Variants in EPB41L4B observed in about 807,000 individuals in gnomAD.
EPB41L4B encodes erythrocyte membrane protein band 4.1 like 4B.
In EPB41L4B, 30 loss-of-function variants were observed where a neutral mutation model predicts 112.5. That is an observed-to-expected ratio of 0.27 (90% CI 0.20 to 0.36). EPB41L4B has a LOEUF of 0.36. Among genes scored for constraint, EPB41L4B ranks in the 10% least tolerant of loss-of-function variants. The probability of loss-of-function intolerance (pLI) is 1.00; values close to 1 mark genes in which losing one functional copy is unlikely to be tolerated. For missense variants in EPB41L4B, 1,024 were observed against 1,133.3 expected, an observed-to-expected ratio of 0.90 and a Z score of 1.38; for synonymous variants, 408 against 439.7, an observed-to-expected ratio of 0.93 and a Z score of 0.90.
intron 1 of EPB41L4B, among the ~76,000 whole-genome samples, chr9:109,310,236 T>G (rs77824226): frequency 0.011 from 1,615 of 152,252 alleles, 29 homozygotes; most frequent in African/African-American, 0.038. Context: ...GAAAAATTCA[T>G]GTATATACAG....
chr9:109,193,254 G>A (rs893582134), intron 21 of EPB41L4B, among the ~76,000 whole-genome samples: 2 of 152,200 alleles, frequency 1.3e-5, no homozygotes, highest in African/African-American at 4.8e-5. Flanking sequence ...CCCAGGGAAG[G>A]CACCAGGTGA....
Position 109,213,824 on chromosome 9 carries a change from A to G in EPB41L4B, c.1634-6T>C. 1 of 1,612,350 alleles carries G rather than the reference A, an allele frequency of 6.2e-7. No homozygotes were observed. Among genetic ancestry groups the G allele is most frequent in the Non-Finnish European group, 8.5e-7 (1 of 1,178,338 alleles). ...AGGTGTTCCTGGACTCAGTTCTACA[A>G]AGCAGCCAGGAGAAATAAATAAGGA... On this transcript the variant is annotated splice_polypyrimidine_tract_variant and splice_region_variant and intron_variant, in intron 16 of 25. Coordinates refer to ENST00000374566, the MANE Select transcript of EPB41L4B (RefSeq NM_019114.5).
At chr9:109,295,567 A>G (rs1372663641) in intron 1 of EPB41L4B, among the ~76,000 whole-genome samples, 1 of 152,196 alleles carries the variant, frequency 6.6e-6, no homozygotes, top group African/African-American at 2.4e-5. Flanking sequence ...GTGAGGCAAG[A>G]GGCAGGTCAC....
At chr9:109,234,359 T>C (rs1834063973) in intron 15 of EPB41L4B, among the ~76,000 whole-genome samples, 1 of 152,222 alleles carries the variant, frequency 6.6e-6, no homozygotes, top group Non-Finnish European at 1.5e-5. Flanking sequence ...AGCACCACTG[T>C]AACTTGAGGG....
chr9:109,296,145 G>A (rs990640614), intron 1 of EPB41L4B, among the ~76,000 whole-genome samples: 3 of 152,160 alleles, frequency 2.0e-5, no homozygotes, highest in Non-Finnish European at 2.9e-5. Context: ...GCCAAGAAAC[G>A]TGAACAGAAA....
At chr9:109,278,669 TC>T (rs1564314924) in intron 2 of EPB41L4B, among the ~76,000 whole-genome samples, 1 of 151,894 alleles carries the variant, frequency 6.6e-6, no homozygotes, top group Admixed American at 6.6e-5. Context: ...GTGCTTCCCC[TC>T]CCCCCAGTCC....
intron 1 of EPB41L4B, among the ~76,000 whole-genome samples, chr9:109,313,748 TAG>T (rs1353309966): frequency 6.6e-6 from 1 of 152,122 alleles, no homozygotes. Context: ...CCAGGAAATG[TAG>T]AGAGGAGAGC....
intron 15 of EPB41L4B, among the ~76,000 whole-genome samples, chr9:109,239,088 G>T (rs1564286718): frequency 6.6e-6 from 1 of 152,194 alleles, no homozygotes. Context: ...GCATGAGCTT[G>T]TCAGGAGCAA....
At chr9:109,251,625 C>T (rs994836949) in intron 12 of EPB41L4B, 114 bp from the exon 13 acceptor site, 151 of 941,840 alleles carry the variant, frequency 1.6e-4, no homozygotes, top group Non-Finnish European at 2.4e-4. Context: ...TTTCCAACTC[C>T]AACCCAGGCA....
At chr9:109,287,507 T>A (rs1260400899) in intron 1 of EPB41L4B, among the ~76,000 whole-genome samples, 2 of 152,238 alleles carry the variant, frequency 1.3e-5, no homozygotes, top group Non-Finnish European at 2.9e-5. Flanking sequence ...GCCAGTCAGA[T>A]GTATACATCC....
intron 1 of EPB41L4B, among the ~76,000 whole-genome samples, chr9:109,317,688 T>A (rs575799356): frequency 6.6e-6 from 1 of 152,320 alleles, no homozygotes. Flanking sequence ...AAAGGAGACA[T>A]TTAGCCTGGC....
chr9:109,175,363 T>C (rs1395661377), intron 25 of EPB41L4B, among the ~76,000 whole-genome samples: 2 of 152,122 alleles, frequency 1.3e-5, no homozygotes, highest in Non-Finnish European at 2.9e-5. Flanking sequence ...TATATTTTAA[T>C]GAATCAAATT....
chr9:109,256,248 C>T (rs892689661), intron 8 of EPB41L4B, 24 bp from the exon 9 acceptor site: 90 of 1,608,890 alleles, frequency 5.6e-5, no homozygotes, highest in South Asian at 1.1e-4. Flanking sequence ...AAGTGACAAT[C>T]GGTAGAGGGT....
intron 17 of EPB41L4B, among the ~76,000 whole-genome samples, chr9:109,213,061 C>T (rs1833239864): frequency 1.3e-5 from 2 of 152,214 alleles, no homozygotes; most frequent in Admixed American, 1.3e-4. Context: ...AAAGTCATTT[C>T]TCTTCTTCTG....
At position 109,242,483 on chromosome 9, in the gene EPB41L4B, T is replaced by C. The variant is rs117993199; in HGVS notation, c.1409+1135A>G. Among the ~76,000 whole-genome samples, 211 of 152,390 alleles carry C rather than the reference T, an allele frequency of 1.4e-3. 2 individuals are homozygous for C. The East Asian group carries it at 0.018, about 13-fold the overall frequency. ...ACAATGTTAATTAAAATAGCGTTTCTAGAAATCTCTTCTGTTTCTTACGTC... is the reference window on the plus strand; with the variant it reads ...ACAATGTTAATTAAAATAGCGTTTCCAGAAATCTCTTCTGTTTCTTACGTC... On this transcript the variant is annotated intron_variant, in intron 15 of 25. Coordinates refer to ENST00000374566, the MANE Select transcript of EPB41L4B (RefSeq NM_019114.5).
chr9:109,253,409 A>G (rs1294956529), intron 12 of EPB41L4B, 32 bp downstream of exon 12: 1 of 1,509,306 alleles, frequency 6.6e-7, no homozygotes, highest in Admixed American at 1.7e-5. Flanking sequence ...AGCATAATGT[A>G]AAATTCCAAG....
chr9:109,176,091 C>T (rs115941997), intron 25 of EPB41L4B, among the ~76,000 whole-genome samples: 3,225 of 147,992 alleles, frequency 0.022, 116 homozygotes, highest in African/African-American at 0.074. Context: ...CACACACACT[C>T]ATTTGTTGTC....
intron 1 of EPB41L4B, among the ~76,000 whole-genome samples, chr9:109,282,998 T>C (rs1836129023): frequency 6.6e-6 from 1 of 152,058 alleles, no homozygotes; most frequent in African/African-American, 2.4e-5. Flanking sequence ...TTCCATTTCT[T>C]TCTTCAACAA....
intron 23 of EPB41L4B, among the ~76,000 whole-genome samples, chr9:109,184,276 G>C (rs2118631071): frequency 6.6e-6 from 1 of 152,348 alleles, no homozygotes; most frequent in East Asian, 1.9e-4. Context: ...CTGGAGTGCA[G>C]TGGCGCAATC....
Sources: allele counts gnomAD v4.1 joint callset (sites outside exome capture counted in the v4.1 genomes callset), GRCh38; gene constraint gnomAD v4.1.1; transcripts MANE v1.5; gene names NCBI Gene and HGNC (gene_info 2026-07-23, HGNC 2026-07-21).